Variants in NALF1 observed in about 807,000 individuals in gnomAD.
NALF1 encodes the protein NALCN channel auxiliary factor 1, also known as family with sequence similarity 155 member A.
A neutral mutation model predicts 48.4 loss-of-function variants in NALF1; 3 were observed. The observed-to-expected ratio is 0.06, with a 90% CI of 0.03 to 0.16. The LOEUF is 0.16. Ranked by LOEUF, NALF1 falls within the 10% of genes least tolerant of loss-of-function variation. NALF1 has a pLI of 1.00. For missense variants in NALF1, 526 were observed against 571.5 expected, an observed-to-expected ratio of 0.92 and a Z score of 0.81; for synonymous variants, 262 against 245.7, an observed-to-expected ratio of 1.07 and a Z score of -0.62.
intron 1 of NALF1, among the ~76,000 whole-genome samples, chr13:107,852,265 T>C (rs1289276197): frequency 2.6e-5 from 4 of 152,220 alleles, no homozygotes; most frequent in African/African-American, 9.6e-5. Flanking sequence ...TCACACATGA[T>C]GAAATGCTTG....
In NALF1 at chr13:107,509,080, G is replaced by A. The variant is rs903069641; in HGVS notation, c.916-298325C>T. Among the ~76,000 whole-genome samples the A allele has an allele frequency of 2.9e-4, 44 of 152,144 alleles. 1 individual carries two copies. Among genetic ancestry groups the A allele is most frequent in the Admixed American group, 2.6e-3 (40 of 15,262 alleles). On this transcript the variant is annotated intron_variant, in intron 1 of 2. Transcript: ENST00000375915. Reference sequence around the variant, plus strand: ...ATGTATATATGCCTGTTTAAAAAATGATTTTCTATTTCAAACAGAAATTGG... The same window carrying A: ...ATGTATATATGCCTGTTTAAAAAATAATTTTCTATTTCAAACAGAAATTGG...
At chr13:107,243,398 C>A (rs2138837053) in intron 1 of NALF1, among the ~76,000 whole-genome samples, 1 of 152,294 alleles carries the variant, frequency 6.6e-6, no homozygotes, top group African/African-American at 2.4e-5. Flanking sequence ...CAGCCCTGAC[C>A]CCCATTGTTC....
At chr13:107,258,352 A>T (rs757391463) in intron 1 of NALF1, among the ~76,000 whole-genome samples, 1 of 152,202 alleles carries the variant, frequency 6.6e-6, no homozygotes, top group East Asian at 1.9e-4. Flanking sequence ...ACAATGAAGG[A>T]TCTAACTCAT....
At chr13:107,322,019 G>A (rs577521032) in intron 1 of NALF1, among the ~76,000 whole-genome samples, 2 of 152,150 alleles carry the variant, frequency 1.3e-5, no homozygotes, top group South Asian at 4.1e-4. Context: ...GCTTATCATG[G>A]ATACAGAGTG....
At chr13:107,823,041 C>T (rs1339341268) in intron 1 of NALF1, among the ~76,000 whole-genome samples, 1 of 152,170 alleles carries the variant, frequency 6.6e-6, no homozygotes, top group Non-Finnish European at 1.5e-5. Context: ...TGTGCTTGGA[C>T]ACGGCTGACC....
At chr13:107,611,406 G>A (rs1164279841) in intron 1 of NALF1, among the ~76,000 whole-genome samples, 1 of 152,172 alleles carries the variant, frequency 6.6e-6, no homozygotes, top group Non-Finnish European at 1.5e-5. Context: ...TCATATTCAC[G>A]ATAGCCAAAA....
chr13:107,302,115 G>T (rs1461849763), intron 1 of NALF1, among the ~76,000 whole-genome samples: 1 of 152,176 alleles, frequency 6.6e-6, no homozygotes, highest in Admixed American at 6.5e-5. Context: ...TCACGGGAGT[G>T]GGACTGGTGG....
chr13:107,270,710 A>AT (rs1177028401), intron 1 of NALF1, among the ~76,000 whole-genome samples: 2 of 151,908 alleles, frequency 1.3e-5, no homozygotes, highest in Non-Finnish European at 2.9e-5. Flanking sequence ...CATGTGCACA[A>AT]TGTGCAGGTT....
In NALF1 at chr13:107,477,467, A is replaced by G. The variant is rs1885191001; in HGVS notation, c.916-266712T>C. 2.0e-5 allele frequency among the ~76,000 whole-genome samples: 3 copies of G among 152,228 alleles called. No homozygotes were observed. The South Asian group carries it at 6.2e-4, about 32-fold the overall frequency. On this transcript the variant is annotated intron_variant, in intron 1 of 2. Transcript: ENST00000375915. ...CTAAGGTCCCTATAGGGAAAGATTTATCTTAAATAACTTGAGTCCAGACCT... is the reference window on the plus strand; with the variant it reads ...CTAAGGTCCCTATAGGGAAAGATTTGTCTTAAATAACTTGAGTCCAGACCT...
At chr13:107,425,943 GA>G (rs1379263144) in intron 1 of NALF1, among the ~76,000 whole-genome samples, 1 of 152,088 alleles carries the variant, frequency 6.6e-6, no homozygotes, top group East Asian at 1.9e-4. Context: ...TCTGTACTAT[GA>G]TATTGGATAT....
intron 1 of NALF1, among the ~76,000 whole-genome samples, chr13:107,736,124 A>C (rs1388009500): frequency 6.6e-5 from 10 of 152,108 alleles, no homozygotes; most frequent in Non-Finnish European, 1.5e-4. Context: ...GTAACAAAAC[A>C]AAGATGATAT....
chr13:107,743,825 T>C (rs1041121401), intron 1 of NALF1, among the ~76,000 whole-genome samples: 2 of 152,202 alleles, frequency 1.3e-5, no homozygotes, highest in African/African-American at 4.8e-5. Context: ...GTAAGCTGTA[T>C]GTCCAACCAG....
At chr13:107,551,911 G>T (rs10492711) in intron 1 of NALF1, among the ~76,000 whole-genome samples, 12,627 of 152,120 alleles carry the variant, frequency 0.083, 931 homozygotes, top group Admixed American at 0.17. Context: ...AGAGCAAGTA[G>T]TTAATAAAAC....
intron 1 of NALF1, among the ~76,000 whole-genome samples, chr13:107,263,633 A>C (rs1421246654): frequency 6.6e-6 from 1 of 152,062 alleles, no homozygotes; most frequent in Admixed American, 6.6e-5. Flanking sequence ...TTTGGTTCTC[A>C]TTCTCTCTTT....
chr13:107,526,568 A>G (rs1876451597), intron 1 of NALF1, among the ~76,000 whole-genome samples: 1 of 152,170 alleles, frequency 6.6e-6, no homozygotes, highest in Non-Finnish European at 1.5e-5. Flanking sequence ...ATGACAAATA[A>G]GGTTACTGTA....
chr13:107,502,113 A>G (rs919518708), intron 1 of NALF1, among the ~76,000 whole-genome samples: 14 of 152,190 alleles, frequency 9.2e-5, no homozygotes, highest in Non-Finnish European at 2.1e-4. Flanking sequence ...TCCCGAATGA[A>G]AAAAGAGATT....
chr13:107,325,611 G>C (rs2074648159), intron 1 of NALF1, among the ~76,000 whole-genome samples: 1 of 151,906 alleles, frequency 6.6e-6, no homozygotes, highest in African/African-American at 2.4e-5. Flanking sequence ...GCTGAGGCGG[G>C]TAGATCACTT....
rs1233951709 is a variant in NALF1, at chr13:107,165,868, C to A, written c.*4629G>T. On this transcript the variant is annotated 3_prime_UTR_variant, in exon 3 of 3. Transcript: ENST00000375915. ...ATGGAGATATTTTGAGAGTCTGTTT[C>A]CCTTGTCAAAGTAGATATGGTTTTT... 1 of 152,076 alleles carries A rather than the reference C, an allele frequency of 6.6e-6. No homozygotes were observed. The highest frequency in any genetic ancestry group is 1.5e-5 in the Non-Finnish European group (1 of 68,008). 9.4% of individuals were successfully genotyped at this position (152,076 alleles called of 1,614,324 possible). A position where few individuals can be genotyped will look rare whatever the true frequency, so the allele number is the denominator to read the frequency against.
chr13:107,416,950 T>C (rs190428691), intron 1 of NALF1, among the ~76,000 whole-genome samples: 41 of 152,340 alleles, frequency 2.7e-4, no homozygotes, highest in East Asian at 1.9e-3. Context: ...CGATGTGGAA[T>C]TGACTTCCCC....
Sources: gnomAD v4.1 joint callset for allele counts (sites outside exome capture counted in the v4.1 genomes callset) on GRCh38, gnomAD v4.1.1 for gene constraint, MANE v1.5 for transcripts, NCBI Gene and HGNC (gene_info 2026-07-23, HGNC 2026-07-21) for gene names.